PREP: variants seen among roughly 807,000 people sequenced by gnomAD.
PREP encodes the protein prolyl endopeptidase.
PREP carries 29 observed loss-of-function variants against 87.6 expected under a neutral mutation model. The ratio of observed to expected loss-of-function variants is 0.33; its 90% CI spans 0.25 to 0.45. The LOEUF is 0.45. Among genes scored for constraint, PREP ranks in the 20% least tolerant of loss-of-function variants. The pLI is 1.00. For missense variants in PREP, 695 were observed against 886.5 expected (o/e 0.78, Z 2.74); for synonymous variants, 337 against 328.6 (o/e 1.03, Z -0.28).
At chr6:105,358,598 C>A (rs1275977396) in intron 6 of PREP, among the ~76,000 whole-genome samples, 2 of 152,090 alleles carry the variant, frequency 1.3e-5, no homozygotes, top group Non-Finnish European at 2.9e-5. Context: ...AAAAAAACAG[C>A]CAAAAGCCAC....
chr6:105,373,654 G>C (rs893131808), intron 4 of PREP, 76 bp from the exon 5 acceptor site: 1 of 1,362,548 alleles, frequency 7.3e-7, no homozygotes, highest in South Asian at 1.3e-5. Flanking sequence ...ATCTAACAAA[G>C]CTCTCTTTCA....
At chr6:105,344,487 G>A (rs1341462434) in intron 7 of PREP, among the ~76,000 whole-genome samples, 10 of 128,574 alleles carry the variant, frequency 7.8e-5, no homozygotes, top group African/African-American at 3.2e-4. Flanking sequence ...GTGAGACTCC[G>A]TCTCAAAAAA....
chr6:105,381,142 T>C (rs1157543256), intron 2 of PREP, among the ~76,000 whole-genome samples: 2 of 152,222 alleles, frequency 1.3e-5, no homozygotes, highest in Admixed American at 1.3e-4. Flanking sequence ...CTAATTACTT[T>C]AAATAGACCA....
chr6:105,288,584 T>C (rs1374818949), intron 11 of PREP, among the ~76,000 whole-genome samples, 174 bp downstream of exon 11: 1 of 152,216 alleles, frequency 6.6e-6, no homozygotes, highest in Non-Finnish European at 1.5e-5. Context: ...CTTGAACTCC[T>C]GACCTCAGGT....
chr6:105,341,022 G>C (rs1771632900), intron 7 of PREP, among the ~76,000 whole-genome samples: 1 of 152,144 alleles, frequency 6.6e-6, no homozygotes. Context: ...ATTAAACTCA[G>C]CTCTGCACTA....
intron 8 of PREP, 144 bp from the exon 9 acceptor site, chr6:105,329,170 T>C (rs1771254980): frequency 1.4e-6 from 1 of 699,832 alleles, no homozygotes. Context: ...TTTTTTTTTT[T>C]GAGACAGGGT....
chr6:105,350,490 T>C (rs1771918546), intron 7 of PREP, among the ~76,000 whole-genome samples: 1 of 152,242 alleles, frequency 6.6e-6, no homozygotes, highest in Non-Finnish European at 1.5e-5. Context: ...CCATTTTTTT[T>C]CTTAATTTAA....
At position 105,334,591 on chromosome 6, in the gene PREP, C is replaced by T. The variant is rs552074439; in HGVS notation, c.824-1086G>A. Among the ~76,000 whole-genome samples the T allele has an allele frequency of 3.3e-5, 5 of 152,208 alleles. No homozygotes were observed. The East Asian group carries it at 7.7e-4, about 24-fold the overall frequency. ...AAAATTAGCTGGGCATGGTGGCACACGCCTGTAATCCCAGCTACTTGGTAG... is the reference window on the plus strand; with the variant it reads ...AAAATTAGCTGGGCATGGTGGCACATGCCTGTAATCCCAGCTACTTGGTAG... On this transcript the variant is annotated intron_variant, in intron 7 of 14. Coordinates refer to ENST00000652536, the MANE Select transcript of PREP (RefSeq NM_002726.5).
At chr6:105,379,044 G>A (rs567323517) in intron 2 of PREP, among the ~76,000 whole-genome samples, 8 of 152,188 alleles carry the variant, frequency 5.3e-5, no homozygotes, top group African/African-American at 9.7e-5. Flanking sequence ...GGGATGTAAA[G>A]TATGAATACA....
intron 6 of PREP, among the ~76,000 whole-genome samples, chr6:105,368,245 G>C (rs894827135): frequency 7.9e-5 from 12 of 152,068 alleles, no homozygotes; most frequent in African/African-American, 2.9e-4. Context: ...TCTCTAACAA[G>C]AAGTATTTCT....
At chr6:105,337,421 G>A (rs1317664129) in intron 7 of PREP, among the ~76,000 whole-genome samples, 1 of 152,078 alleles carries the variant, frequency 6.6e-6, no homozygotes. Context: ...CTCATGTGAT[G>A]GCCTTTCTCA....
intron 10 of PREP, among the ~76,000 whole-genome samples, chr6:105,304,191 T>C (rs1770606371): frequency 6.6e-6 from 1 of 152,210 alleles, no homozygotes; most frequent in Admixed American, 6.5e-5. Flanking sequence ...ATTTACATAG[T>C]GTTTACTTTG....
chr6:105,332,763 C>G (rs1025452091), intron 8 of PREP, among the ~76,000 whole-genome samples: 1 of 152,144 alleles, frequency 6.6e-6, no homozygotes, highest in Non-Finnish European at 1.5e-5. Flanking sequence ...CAAAAAGGCT[C>G]TCTGTGAAAC....
At chr6:105,351,163 T>G (rs1238002315) in intron 7 of PREP, among the ~76,000 whole-genome samples, 1 of 152,208 alleles carries the variant, frequency 6.6e-6, no homozygotes, top group African/African-American at 2.4e-5. Flanking sequence ...GAAAGTATTT[T>G]GTAGATGGGA....
At chr6:105,290,268 A>G (rs1463648402) in intron 10 of PREP, among the ~76,000 whole-genome samples, 1 of 152,164 alleles carries the variant, frequency 6.6e-6, no homozygotes, top group Non-Finnish European at 1.5e-5. Context: ...TAAGAGGAAC[A>G]AGTTCCAAGG....
intron 6 of PREP, 104 bp downstream of exon 6, chr6:105,368,799 A>C (rs533085218): frequency 2.8e-4 from 376 of 1,354,822 alleles, no homozygotes; most frequent in Non-Finnish European, 3.5e-4. Flanking sequence ...ATATTCACTC[A>C]TGGGACTTCT....
intron 2 of PREP, among the ~76,000 whole-genome samples, chr6:105,378,872 C>A (rs1409607980): frequency 6.6e-6 from 1 of 152,108 alleles, no homozygotes; most frequent in Non-Finnish European, 1.5e-5. Context: ...TATCATCAAA[C>A]TCTAAGGGCC....
chr6:105,274,725 G>A lies in PREP; in HGVS notation c.*3419C>T, dbSNP rs1229718541. Among the ~76,000 whole-genome samples, 3 of 152,202 alleles carry A rather than the reference G, an allele frequency of 2.0e-5. No homozygotes were observed. The highest frequency in any genetic ancestry group is 2.9e-5 in the Non-Finnish European group (2 of 68,012). ...GGAGGTTGCAGTAAGCTGAGATAGC[G>A]CCATTGCACTCCAGCCTGGGCCGTA... On this transcript the variant is annotated 3_prime_UTR_variant, in exon 15 of 15. Coordinates refer to ENST00000652536, the MANE Select transcript of PREP (RefSeq NM_002726.5).
chr6:105,384,535 C>T (rs1030035125), intron 2 of PREP, among the ~76,000 whole-genome samples: 2 of 152,228 alleles, frequency 1.3e-5, no homozygotes, highest in Non-Finnish European at 2.9e-5. Flanking sequence ...ACAGACACCT[C>T]TGTCTGTATT....
Sources: gnomAD v4.1 joint callset for allele counts (sites outside exome capture counted in the v4.1 genomes callset) on GRCh38, gnomAD v4.1.1 for gene constraint, MANE v1.5 for transcripts, NCBI Gene and HGNC (gene_info 2026-07-23, HGNC 2026-07-21) for gene names.